The following NEXMIF variants were observed in gnomAD, a reference collection of about 807,000 sequenced individuals.
NEXMIF encodes the protein neurite extension and migration factor, also known as XLMR protein related to neurite extension.
In NEXMIF, 8 loss-of-function variants were observed where a neutral mutation model predicts 62.1. The observed-to-expected ratio is 0.13, with a 90% CI of 0.08 to 0.23. NEXMIF has a LOEUF of 0.23. NEXMIF is among the 10% of genes least tolerant of loss of function. The pLI is 1.00. For missense variants in NEXMIF, 976 were observed against 1,113.3 expected, an observed-to-expected ratio of 0.88 and a Z score of 1.75; for synonymous variants, 404 against 416.6, an observed-to-expected ratio of 0.97 and a Z score of 0.37.
chrX:74,883,689 C>T (rs1434399022), intron 1 of NEXMIF, among the ~76,000 whole-genome samples: 2 of 112,003 alleles, frequency 1.8e-5, no homozygotes, highest in South Asian at 3.7e-4. Flanking sequence ...CTGAAAGTGA[C>T]GGGCAGAATG....
chrX:74,884,888 T>A (rs752073342), intron 1 of NEXMIF, among the ~76,000 whole-genome samples: 79 of 111,132 alleles, frequency 7.1e-4, no homozygotes, highest in Admixed American at 2.8e-3. Context: ...CTGACCACAT[T>A]CTTGGAAGTA....
chrX:74,867,323 A>G lies in NEXMIF; in HGVS notation c.-48+57560T>C, dbSNP rs188043167. Among the ~76,000 whole-genome samples, 9 of 112,076 alleles carry G rather than the reference A, an allele frequency of 8.0e-5. No individual in the cohort carries two copies. The East Asian group carries it at 1.4e-3, about 17-fold the overall frequency. On this transcript the variant is annotated intron_variant, in intron 1 of 3. Coordinates refer to ENST00000055682, the MANE Select transcript of NEXMIF (RefSeq NM_001008537.3). ...CCAAAAAAGAGCCCGTATAGCCATG[A>G]CAATCCTAAGCAAAAAGAGCAAAGC...
intron 1 of NEXMIF, among the ~76,000 whole-genome samples, chrX:74,833,125 C>T (rs976354862): frequency 9.0e-6 from 1 of 111,697 alleles, no homozygotes; most frequent in Non-Finnish European, 1.9e-5. Flanking sequence ...TCTATTAGGT[C>T]CATTTGTTCT....
intron 1 of NEXMIF, among the ~76,000 whole-genome samples, chrX:74,902,836 A>G (rs928219384): frequency 1.8e-5 from 2 of 111,913 alleles, no homozygotes; most frequent in Non-Finnish European, 3.8e-5. Flanking sequence ...GCATGCAGGC[A>G]AGTTCTCTGG....
At position 74,741,329 on chromosome X, in the gene NEXMIF, G is replaced by T; in HGVS notation, c.3228C>A (p.Thr1076=). The stretch of plus-strand genomic sequence containing the variant: ...TGGTAATTTGAGGGGAAAGACTAGG[G>T]GTGTCCGGTGGGGACATCTCTGAAA... ...SSLSEMSPPD[T]PSLSPQITRC... is the part of the protein sequence containing the mutation. Residue 1076 remains threonine, a synonymous_variant, in exon 3 of 4, where the codon ACC becomes ACA. Coordinates refer to ENST00000055682, the MANE Select transcript of NEXMIF (RefSeq NM_001008537.3). 1.7e-6 allele frequency: 2 copies of T among 1,211,116 alleles called. No individual in the cohort carries two copies. Among genetic ancestry groups the T allele is most frequent in the Non-Finnish European group, 1.1e-6 (1 of 895,367 alleles).
At chrX:74,807,573 C>T (rs990985104) in intron 1 of NEXMIF, among the ~76,000 whole-genome samples, 1 of 111,251 alleles carries the variant, frequency 9.0e-6, no homozygotes, top group Non-Finnish European at 1.9e-5. Flanking sequence ...AGCGATTCTC[C>T]TGCCTCGGCC....
intron 1 of NEXMIF, among the ~76,000 whole-genome samples, chrX:74,802,315 G>A (rs746193735): frequency 1.8e-5 from 2 of 111,409 alleles, no homozygotes; most frequent in Non-Finnish European, 3.8e-5. Flanking sequence ...GTGGTCACGC[G>A]GGGTGCTTGT....
intron 1 of NEXMIF, among the ~76,000 whole-genome samples, chrX:74,796,139 T>C (rs1203146818): frequency 2.6e-5 from 2 of 76,436 alleles, no homozygotes; most frequent in Non-Finnish European, 4.7e-5. Flanking sequence ...ATATAATATA[T>C]ATATTATATA....
chrX:74,780,582 G>T (rs766762356), intron 1 of NEXMIF, among the ~76,000 whole-genome samples: 2 of 106,139 alleles, frequency 1.9e-5, no homozygotes, highest in African/African-American at 3.5e-5. Flanking sequence ...TCGCTATGTT[G>T]CCCAGACTGG....
At chrX:74,877,745 C>T (rs1386548609) in intron 1 of NEXMIF, among the ~76,000 whole-genome samples, 1 of 111,830 alleles carries the variant, frequency 8.9e-6, no homozygotes, top group African/African-American at 3.3e-5. Context: ...TTCATTTCAT[C>T]TTCCATCACT....
At chrX:74,876,394 G>A (rs958280588) in intron 1 of NEXMIF, among the ~76,000 whole-genome samples, 14 of 111,510 alleles carry the variant, frequency 1.3e-4, no homozygotes, top group South Asian at 7.6e-4. Flanking sequence ...ATTTGCTGAG[G>A]ACTGCTTTGC....
chrX:74,836,235 C>T (rs988783600), intron 1 of NEXMIF, among the ~76,000 whole-genome samples: 8 of 112,769 alleles, frequency 7.1e-5, no homozygotes, highest in African/African-American at 2.6e-4. Context: ...CATCCAGGAG[C>T]CTAGGCCTAG....
chrX:74,843,787 G>C (rs755188544), intron 1 of NEXMIF, among the ~76,000 whole-genome samples: 12 of 112,147 alleles, frequency 1.1e-4, no homozygotes, highest in Non-Finnish European at 1.3e-4. Context: ...TGCATTCAAG[G>C]TTAGTATTGA....
intron 1 of NEXMIF, among the ~76,000 whole-genome samples, chrX:74,863,108 G>T (rs1339602548): frequency 1.8e-5 from 2 of 109,193 alleles, no homozygotes; most frequent in South Asian, 4.0e-4. Context: ...GGAGGCAGAG[G>T]TTGCAGTGAG....
At chrX:74,795,831 T>C (rs1399295629) in intron 1 of NEXMIF, among the ~76,000 whole-genome samples, 1 of 108,957 alleles carries the variant, frequency 9.2e-6, no homozygotes, top group Non-Finnish European at 1.9e-5. Context: ...AATTGTGTTT[T>C]AGCTAGAAAG....
At chrX:74,806,111 G>A (rs766439439) in intron 1 of NEXMIF, among the ~76,000 whole-genome samples, 1 of 111,312 alleles carries the variant, frequency 9.0e-6, no homozygotes, top group Non-Finnish European at 1.9e-5. Context: ...TCTGTGGTTT[G>A]TTATTTTATT....
At chrX:74,789,725 G>C (rs2080272911) in intron 1 of NEXMIF, among the ~76,000 whole-genome samples, 1 of 110,355 alleles carries the variant, frequency 9.1e-6, no homozygotes, top group South Asian at 3.9e-4. Context: ...CTGATGGCCA[G>C]TGATGATGAG....
At chrX:74,790,896 T>C (rs1273607019) in intron 1 of NEXMIF, among the ~76,000 whole-genome samples, 1 of 109,911 alleles carries the variant, frequency 9.1e-6, no homozygotes, top group African/African-American at 3.3e-5. Context: ...TGGGGTTTTC[T>C]AGATATACAA....
chrX:74,850,918 T>C (rs751237693), intron 1 of NEXMIF, among the ~76,000 whole-genome samples: 1 of 110,584 alleles, frequency 9.0e-6, no homozygotes, highest in East Asian at 2.8e-4. Flanking sequence ...AAAGTGTTGA[T>C]ATTAAAAACC....
Sources: gnomAD v4.1 joint callset for allele counts (sites outside exome capture counted in the v4.1 genomes callset) on GRCh38, gnomAD v4.1.1 for gene constraint, MANE v1.5 for transcripts, NCBI Gene and HGNC (gene_info 2026-07-23, HGNC 2026-07-21) for gene names.